Variants in TMT1A observed in about 807,000 individuals in gnomAD.
TMT1A encodes the protein thiol S-methyltransferase TMT1A.
the TMT1A span, chr12:50,925,561 C>G: frequency 1.2e-6 from 2 of 1,602,674 alleles, no homozygotes; most frequent in South Asian, 1.1e-5. Context: ...GTGAGGAGGA[C>G]TAGTTAGTAG....
the TMT1A span, chr12:50,930,328 G>A: frequency 3.6e-6 from 2 of 552,584 alleles, no homozygotes; most frequent in Non-Finnish European, 6.3e-6. Flanking sequence ...TGCCCAGGCT[G>A]GAGTGCAATG....
chr12:50,925,746 A>C, the TMT1A span, among the ~76,000 whole-genome samples: 2 of 152,176 alleles, frequency 1.3e-5, no homozygotes, highest in East Asian at 3.8e-4. Context: ...GCTATAAAGA[A>C]AAAACCTCCT....
the TMT1A span, chr12:50,925,119 G>T: frequency 2.5e-6 from 4 of 1,614,154 alleles, no homozygotes; most frequent in South Asian, 4.4e-5. Flanking sequence ...TTCTGGGCTT[G>T]TGGAGCTGGA....
chr12:50,930,373 G>C, the TMT1A span: 1 of 368,450 alleles, frequency 2.7e-6, no homozygotes, highest in Non-Finnish European at 4.9e-6. Flanking sequence ...TCCACCTCGC[G>C]GGTTTAAGCG....
At chr12:50,931,378 C>T in the TMT1A span, 1 of 151,934 alleles carries the variant, frequency 6.6e-6, no homozygotes, top group Non-Finnish European at 1.5e-5. Flanking sequence ...CTAAACAGCA[C>T]AGATTTTTTC....
chr12:50,927,169 A>G, the TMT1A span, among the ~76,000 whole-genome samples: 1 of 152,072 alleles, frequency 6.6e-6, no homozygotes, highest in Non-Finnish European at 1.5e-5. Flanking sequence ...CTGGGACTAC[A>G]GGCATGCACC....
the TMT1A span, chr12:50,930,064 T>C: frequency 1.9e-6 from 3 of 1,614,088 alleles, no homozygotes; most frequent in Non-Finnish European, 2.5e-6. Flanking sequence ...GCGGGCCAGC[T>C]TCTCTAAGCT....
At chr12:50,927,448 G>T in the TMT1A span, among the ~76,000 whole-genome samples, 1 of 152,222 alleles carries the variant, frequency 6.6e-6, no homozygotes, top group African/African-American at 2.4e-5. Context: ...AAAAAGGACT[G>T]ATTCTTATAC....
the TMT1A span, chr12:50,929,878 A>G: frequency 6.5e-7 from 1 of 1,548,094 alleles, no homozygotes; most frequent in African/African-American, 1.4e-5. Context: ...AAATGAAAAA[A>G]TCCTTGAAAT....
At chr12:50,930,019 T>A in the TMT1A span, 2 of 1,613,978 alleles carry the variant, frequency 1.2e-6, no homozygotes, top group African/African-American at 1.3e-5. Context: ...GTTTGATGGG[T>A]GCAACCTGAC....
chr12:50,928,558 GC>G, the TMT1A span, among the ~76,000 whole-genome samples: 1 of 152,190 alleles, frequency 6.6e-6, no homozygotes, highest in Non-Finnish European at 1.5e-5. Context: ...GTTTAGGCAA[GC>G]CCCTGTGCAA....
the TMT1A span, among the ~76,000 whole-genome samples, chr12:50,928,721 A>G: frequency 1.3e-5 from 2 of 152,092 alleles, no homozygotes; most frequent in Non-Finnish European, 2.9e-5. Flanking sequence ...GCAATCTCAT[A>G]TACCTCCACA....
chr12:50,930,671 C>A, the TMT1A span: 4,676 of 152,760 alleles, frequency 0.031, 243 homozygotes, highest in African/African-American at 0.11. Flanking sequence ...ACAACCTCCA[C>A]CTCCCGGGTT....
At chr12:50,930,249 G>C in the TMT1A span, 2 of 1,050,364 alleles carry the variant, frequency 1.9e-6, no homozygotes, top group Admixed American at 6.4e-5. Flanking sequence ...TTTTTTTGGG[G>C]GGCGGTTTTT....
chr12:50,926,827 GGAAA>G, the TMT1A span, among the ~76,000 whole-genome samples: 1 of 152,040 alleles, frequency 6.6e-6, no homozygotes, highest in African/African-American at 2.4e-5. Flanking sequence ...TTGGATTCAG[GGAAA>G]GAATTACTTT....
the TMT1A span, chr12:50,925,315 A>C: frequency 6.2e-7 from 1 of 1,614,234 alleles, no homozygotes; most frequent in Admixed American, 1.7e-5. Context: ...ACCTGGGTGC[A>C]GGGTGACCTG....
At chr12:50,926,270 CAA>C in the TMT1A span, among the ~76,000 whole-genome samples, 237 of 152,092 alleles carry the variant, frequency 1.6e-3, no homozygotes, top group Non-Finnish European at 1.9e-3. Flanking sequence ...CAAAAGTGCT[CAA>C]ACTTAAAGAG....
chr12:50,925,102 C>T, the TMT1A span: 9 of 1,614,170 alleles, frequency 5.6e-6, no homozygotes, highest in South Asian at 9.9e-5. Flanking sequence ...CTTGTACCTG[C>T]TGAACTTTCT....
At chr12:50,928,741 T>G in the TMT1A span, among the ~76,000 whole-genome samples, 1 of 152,174 alleles carries the variant, frequency 6.6e-6, no homozygotes, top group East Asian at 1.9e-4. Context: ...AGTTCTCAAA[T>G]ACCACATATA....
Sources: gnomAD v4.1 joint callset for allele counts (sites outside exome capture counted in the v4.1 genomes callset) on GRCh38, gnomAD v4.1.1 for gene constraint, MANE v1.5 for transcripts, NCBI Gene and HGNC (gene_info 2026-07-23, HGNC 2026-07-21) for gene names.